Variants in EHBP1 observed in about 807,000 individuals in gnomAD.
EHBP1 encodes EH domain binding protein 1.
EHBP1 carries 55 observed loss-of-function variants against 144.0 expected under a neutral mutation model. The ratio of observed to expected loss-of-function variants is 0.38; its 90% CI spans 0.31 to 0.48. EHBP1 has a LOEUF of 0.48. Among genes scored for constraint, EHBP1 ranks in the 20% least tolerant of loss-of-function variants. The pLI, the probability that EHBP1 is intolerant of heterozygous loss-of-function variation, is 0.98. For synonymous variants in EHBP1, 469 were observed against 472.7 expected, an observed-to-expected ratio of 0.99 and a Z score of 0.10; for missense variants, 1,200 against 1,364.2, an observed-to-expected ratio of 0.88 and a Z score of 1.90.
At chr2:62,951,231 C>T (rs1269244708) in intron 13 of EHBP1, among the ~76,000 whole-genome samples, 4 of 152,162 alleles carry the variant, frequency 2.6e-5, no homozygotes, top group Non-Finnish European at 5.9e-5. Context: ...ACAACCATGT[C>T]TTAACTGCCA....
rs116950487 is a variant in EHBP1, at chr2:62,850,837, G to A, written c.635-8332G>A. On this transcript the variant is annotated intron_variant, in intron 7 of 22. Transcript: ENST00000431489. ...TAAAAGTAAAACATTGTAGAAAATT[G>A]GAAGAAACAGACAAGTACTTTTTTT... 6.8e-4 allele frequency among the ~76,000 whole-genome samples: 104 copies of A among 152,030 alleles called. No individual in the cohort carries two copies. The East Asian group carries it at 0.019, about 28-fold the overall frequency.
intron 21 of EHBP1, chr2:63,043,917 G>GTTTTTTT (rs1559110359): frequency 3.3e-4 from 12 of 36,166 alleles, no homozygotes; most frequent in African/African-American, 1.7e-3. Flanking sequence ...AGTGGCCATG[G>GTTTTTTT]TTCTTTTTTT....
At chr2:62,831,266 T>C in intron 7 of EHBP1, 108 bp downstream of exon 7, 1 of 1,088,578 alleles carries the variant, frequency 9.2e-7, no homozygotes, top group South Asian at 1.6e-5. Context: ...TTTCTTTTTT[T>C]TTCTTTAAGC....
intron 10 of EHBP1, among the ~76,000 whole-genome samples, chr2:62,899,785 A>G (rs189417405): frequency 6.6e-6 from 1 of 152,234 alleles, no homozygotes; most frequent in Non-Finnish European, 1.5e-5. Context: ...AAAGACGTCT[A>G]TCTGCTGACC....
chr2:62,760,837 A>G (rs1201666751), intron 3 of EHBP1, among the ~76,000 whole-genome samples: 2 of 152,142 alleles, frequency 1.3e-5, no homozygotes, highest in Non-Finnish European at 2.9e-5. Context: ...GCTTGCTTCA[A>G]TTTCCTTATC....
At chr2:62,822,607 C>CATGT (rs1397390900) in intron 5 of EHBP1, among the ~76,000 whole-genome samples, 2 of 152,156 alleles carry the variant, frequency 1.3e-5, no homozygotes, top group Non-Finnish European at 2.9e-5. Context: ...TTAAGATTTG[C>CATGT]ATGTATTCAA....
rs184984813 is a variant in EHBP1 at position 62,944,379 on chromosome 2, C to G, written c.1413+529C>G. Among the ~76,000 whole-genome samples, 31 of 152,276 alleles carry G rather than the reference C, an allele frequency of 2.0e-4. 1 individual carries two copies. The East Asian group carries it at 5.8e-3, about 28-fold the overall frequency. ...GTGATGTACCGTAAGATTATAATAC[C>G]TCATTTTTACTGTACCTTTTCTATG... On this transcript the variant is annotated intron_variant, in intron 12 of 22. Transcript: ENST00000431489.
rs1343638190 is a variant in EHBP1, at chr2:62,955,677, A to C, written c.2460+17A>C. ...CTAAGTGATGTGAGGAGCATTGGTTAAAAAAGACCATAAGTTGTTCATTGT... is the reference window on the plus strand; with the variant it reads ...CTAAGTGATGTGAGGAGCATTGGTTCAAAAAGACCATAAGTTGTTCATTGT... On this transcript the variant is annotated intron_variant, in intron 14 of 22. Coordinates refer to ENST00000431489, the MANE Select transcript of EHBP1 (RefSeq NM_001142616.3). 30 of 1,593,814 alleles carry C rather than the reference A, an allele frequency of 1.9e-5. No homozygotes were observed. The highest frequency in any genetic ancestry group is 2.5e-5 in the Non-Finnish European group (29 of 1,171,690).
At chr2:62,695,489 G>T (rs551350244) in intron 1 of EHBP1, among the ~76,000 whole-genome samples, 26 of 152,314 alleles carry the variant, frequency 1.7e-4, no homozygotes, top group African/African-American at 5.8e-4. Context: ...CTCAACTGGA[G>T]TGTATCAATG....
intron 6 of EHBP1, among the ~76,000 whole-genome samples, chr2:62,830,746 T>C (rs2046770541): frequency 6.6e-6 from 1 of 152,228 alleles, no homozygotes; most frequent in South Asian, 2.1e-4. Context: ...TTTTCCAGTG[T>C]TATCTTCTAG....
intron 21 of EHBP1, among the ~76,000 whole-genome samples, 194 bp downstream of exon 21, chr2:63,039,010 T>C (rs920770577): frequency 2.0e-5 from 3 of 152,220 alleles, no homozygotes; most frequent in Admixed American, 2.0e-4. Context: ...AATCATTATG[T>C]TTGCTATTAA....
At position 62,929,768 on chromosome 2, in the gene EHBP1, A is replaced by G. The variant is rs1480619387; in HGVS notation, c.1186-12950A>G. The stretch of plus-strand genomic sequence containing the variant: ...GTATTCAAATCAGAAAGGAAGGCAT[A>G]AGATTATCTCTGTTTGCTGATGAGA... On this transcript the variant is annotated intron_variant, in intron 10 of 22. Coordinates refer to ENST00000431489, the MANE Select transcript of EHBP1 (RefSeq NM_001142616.3). Among the ~76,000 whole-genome samples, 6 of 152,278 alleles carry G rather than the reference A, an allele frequency of 3.9e-5. No individual in the cohort carries two copies. The East Asian group carries it at 1.2e-3, about 29-fold the overall frequency.
At chr2:62,950,267 T>G (rs2057306564) in intron 13 of EHBP1, among the ~76,000 whole-genome samples, 1 of 152,202 alleles carries the variant, frequency 6.6e-6, no homozygotes, top group East Asian at 1.9e-4. Context: ...AAAGCTATTT[T>G]CATAATAATA....
chr2:63,038,426 G>A lies in EHBP1; in HGVS notation c.3204-317G>A, dbSNP rs560288135. Among the ~76,000 whole-genome samples, 11 of 152,164 alleles carry A rather than the reference G, an allele frequency of 7.2e-5. No individual in the cohort carries two copies. The South Asian group carries it at 2.3e-3, about 32-fold the overall frequency. ...TTCATATGGAGTTTTGGAAAAAAGA[G>A]ATTATAAATTATGAAAAATATTTTA... On this transcript the variant is annotated intron_variant, in intron 20 of 22. Transcript: ENST00000431489.
chr2:63,031,556 T>C (rs1355309351), intron 19 of EHBP1, among the ~76,000 whole-genome samples: 2 of 152,156 alleles, frequency 1.3e-5, no homozygotes, highest in Non-Finnish European at 2.9e-5. Flanking sequence ...TTACCTGAAA[T>C]GTGAGTCATT....
chr2:62,825,975 A>C, intron 5 of EHBP1, 112 bp from the exon 6 acceptor site: 1 of 695,750 alleles, frequency 1.4e-6, no homozygotes, highest in Non-Finnish European at 2.2e-6. Flanking sequence ...GGAATGTAAT[A>C]GGAGAAGGAA....
chr2:63,034,075 T>G (rs1314018182), intron 19 of EHBP1, among the ~76,000 whole-genome samples: 1 of 151,984 alleles, frequency 6.6e-6, no homozygotes, highest in Admixed American at 6.6e-5. Flanking sequence ...GGAGGCAAAA[T>G]AAAAAACAAG....
intron 21 of EHBP1, 30 bp downstream of exon 21, chr2:63,038,846 G>A: frequency 1.9e-6 from 3 of 1,587,890 alleles, no homozygotes; most frequent in East Asian, 4.5e-5. Context: ...GGTGAGGTAT[G>A]TGACGTGTCA....
chr2:63,041,742 C>T (rs1261855829), intron 21 of EHBP1, among the ~76,000 whole-genome samples: 1 of 152,088 alleles, frequency 6.6e-6, no homozygotes, highest in Non-Finnish European at 1.5e-5. Context: ...TTCAGGATTG[C>T]TAGTTGACTG....
Sources: gnomAD v4.1 joint callset for allele counts (sites outside exome capture counted in the v4.1 genomes callset) on GRCh38, gnomAD v4.1.1 for gene constraint, MANE v1.5 for transcripts, NCBI Gene and HGNC (gene_info 2026-07-23, HGNC 2026-07-21) for gene names.